CALN1: variants seen among roughly 807,000 people sequenced by gnomAD.
CALN1 encodes calcium-binding protein 8.
Under a neutral mutation model 30.6 loss-of-function variants are expected in CALN1, and 17 were observed. That is an observed-to-expected ratio of 0.56 (90% CI 0.38 to 0.83). The LOEUF is 0.83. Ranked by LOEUF, CALN1 falls within the 40% of genes least tolerant of loss-of-function variation. The probability of loss-of-function intolerance (pLI) is 0.00; values close to 1 mark genes in which losing one functional copy is unlikely to be tolerated. For synonymous variants in CALN1, 156 were observed against 131.4 expected (o/e 1.19, Z -1.28); for missense variants, 291 against 354.9 (o/e 0.82, Z 1.45).
intron 5 of CALN1, among the ~76,000 whole-genome samples, chr7:71,974,774 T>C (rs979588658): frequency 2.0e-5 from 3 of 152,210 alleles, no homozygotes; most frequent in East Asian, 3.8e-4. Context: ...GAACAAACTT[T>C]CTGGCACTCT....
chr7:72,166,767 C>T (rs752400033), intron 3 of CALN1, among the ~76,000 whole-genome samples: 17 of 152,084 alleles, frequency 1.1e-4, no homozygotes, highest in African/African-American at 3.1e-4. Flanking sequence ...AGTCCAGGCG[C>T]GGTGGTGGCT....
At chr7:72,443,739 G>T (rs1283037201) in intron 1 of CALN1, among the ~76,000 whole-genome samples, 1 of 151,904 alleles carries the variant, frequency 6.6e-6, no homozygotes, top group African/African-American at 2.4e-5. Context: ...CTTGAGAACA[G>T]GGGGCAGCCA....
chr7:72,268,795 A>C (rs1179815249), intron 3 of CALN1, among the ~76,000 whole-genome samples: 10 of 133,502 alleles, frequency 7.5e-5, no homozygotes, highest in African/African-American at 1.4e-4. Flanking sequence ...AGACCCTGCC[A>C]CACACACACA....
intron 2 of CALN1, among the ~76,000 whole-genome samples, chr7:72,316,634 G>A (rs868662648): frequency 3.6e-4 from 55 of 152,134 alleles, no homozygotes; most frequent in Admixed American, 7.9e-4. Flanking sequence ...TTTTACTTAT[G>A]CACTTAAAAG....
intron 5 of CALN1, among the ~76,000 whole-genome samples, chr7:71,834,093 G>A (rs1003204737): frequency 1.7e-4 from 26 of 151,000 alleles, no homozygotes; most frequent in African/African-American, 5.1e-4. Flanking sequence ...ATGGTAGTGC[G>A]TGCCTATAGT....
intron 1 of CALN1, among the ~76,000 whole-genome samples, chr7:72,445,102 ACAC>A (rs1562971467): frequency 2.8e-4 from 39 of 139,738 alleles, no homozygotes; most frequent in African/African-American, 1.0e-3. Flanking sequence ...ACACACACAC[ACAC>A]AACATTAAGT....
chr7:72,499,879 T>A, the CALN1 span, among the ~76,000 whole-genome samples: 4 of 77,954 alleles, frequency 5.1e-5, no homozygotes, highest in Non-Finnish European at 9.6e-5. Flanking sequence ...CTTTCTTTCT[T>A]TCTTTCTTTC....
At chr7:71,875,760 C>CAA (rs1263723088) in intron 5 of CALN1, among the ~76,000 whole-genome samples, 2 of 147,028 alleles carry the variant, frequency 1.4e-5, no homozygotes, top group African/African-American at 5.4e-5. Context: ...TTATACTACA[C>CAA]ACTAGACAGA....
At chr7:71,815,689 C>CCT (rs1220739038) in intron 5 of CALN1, among the ~76,000 whole-genome samples, 1 of 150,740 alleles carries the variant, frequency 6.6e-6, no homozygotes, top group African/African-American at 2.4e-5. Flanking sequence ...CTCTTTTTTC[C>CCT]CTCTCTCTCT....
chr7:72,032,549 C>A (rs1487476722), intron 4 of CALN1, among the ~76,000 whole-genome samples: 1 of 152,164 alleles, frequency 6.6e-6, no homozygotes, highest in African/African-American at 2.4e-5. Context: ...GAGACCCCAG[C>A]CCTTGGTCCT....
chr7:72,030,845 G>A (rs1481829730), intron 4 of CALN1, among the ~76,000 whole-genome samples: 2 of 151,744 alleles, frequency 1.3e-5, no homozygotes, highest in East Asian at 3.9e-4. Flanking sequence ...CTCCTCGGCT[G>A]AAGGGATCCT....
At chr7:72,227,632 G>A (rs918661164) in intron 3 of CALN1, among the ~76,000 whole-genome samples, 1 of 151,884 alleles carries the variant, frequency 6.6e-6, no homozygotes, top group Non-Finnish European at 1.5e-5. Flanking sequence ...ACTATCTGTT[G>A]GGTACTATGC....
chr7:72,363,983 T>C (rs1384500415), intron 2 of CALN1, among the ~76,000 whole-genome samples: 1 of 151,832 alleles, frequency 6.6e-6, no homozygotes, highest in Non-Finnish European at 1.5e-5. Flanking sequence ...GATCTGCCTG[T>C]CTCAGTCTCT....
At chr7:72,297,300 A>C (rs1008787657) in intron 2 of CALN1, among the ~76,000 whole-genome samples, 1 of 152,092 alleles carries the variant, frequency 6.6e-6, no homozygotes, top group East Asian at 1.9e-4. Flanking sequence ...ACAACAAAAT[A>C]AATTAAGAAA....
intron 5 of CALN1, among the ~76,000 whole-genome samples, chr7:71,828,590 C>A (rs990482267): frequency 6.6e-6 from 1 of 151,246 alleles, no homozygotes; most frequent in African/African-American, 2.5e-5. Context: ...CTTCCAGTGA[C>A]CTAGAAGCTC....
At chr7:72,338,128 ACAGATTAGAC>A (rs1275094309) in intron 2 of CALN1, among the ~76,000 whole-genome samples, 10 of 152,178 alleles carry the variant, frequency 6.6e-5, no homozygotes, top group Non-Finnish European at 8.8e-5. Flanking sequence ...TGTCCCGTAG[ACAGATTAGAC>A]GCTTGCCAGT....
chr7:72,293,496 G>C (rs1347575313), intron 2 of CALN1, among the ~76,000 whole-genome samples: 1 of 152,184 alleles, frequency 6.6e-6, no homozygotes, highest in African/African-American at 2.4e-5. Context: ...TTCATTTCCT[G>C]CTGGTGTCTC....
At chr7:71,886,735 T>A (rs892915037) in intron 5 of CALN1, among the ~76,000 whole-genome samples, 1 of 144,810 alleles carries the variant, frequency 6.9e-6, no homozygotes, top group African/African-American at 2.6e-5. Flanking sequence ...ATCGCACCAC[T>A]GCACTCCAGC....
chr7:72,395,252 T>A (rs1805844839), intron 2 of CALN1, among the ~76,000 whole-genome samples: 1 of 152,174 alleles, frequency 6.6e-6, no homozygotes, highest in African/African-American at 2.4e-5. Flanking sequence ...ATCTATCATT[T>A]GCATTGATCT....
Sources: gnomAD v4.1 joint callset for allele counts (sites outside exome capture counted in the v4.1 genomes callset) on GRCh38, gnomAD v4.1.1 for gene constraint, MANE v1.5 for transcripts, NCBI Gene and HGNC (gene_info 2026-07-23, HGNC 2026-07-21) for gene names.